The following ANKMY1 variants were observed in gnomAD, a reference collection of about 807,000 sequenced individuals.
ANKMY1 encodes the protein ankyrin repeat and MYND domain-containing protein 1.
ANKMY1 carries 98 observed loss-of-function variants against 102.0 expected under a neutral mutation model. That is an observed-to-expected ratio of 0.96 (90% CI 0.82 to 1.14). The LOEUF is 1.14. Ranked by LOEUF, ANKMY1 falls within the 50% of genes most tolerant of loss-of-function variation. The probability of loss-of-function intolerance (pLI) is 0.00; values close to 1 mark genes in which losing one functional copy is unlikely to be tolerated. For missense variants in ANKMY1, 1,330 were observed against 1,347.6 expected (o/e 0.99, Z 0.20); for synonymous variants, 582 against 559.9 (o/e 1.04, Z -0.56).
rs1028876370 is a variant in ANKMY1, at chr2:240,526,327, C to T, written c.1072G>A (p.Glu358Lys). 1 of 1,614,136 alleles carries T rather than the reference C, an allele frequency of 6.2e-7. No homozygotes were observed. Among genetic ancestry groups the T allele is most frequent in the Admixed American group, 1.7e-5 (1 of 60,008 alleles). Residue 358 changes from glutamate (E) to lysine (K), a missense_variant, in exon 6 of 18, where the codon GAA (glutamate) becomes AAA (lysine). Transcript: ENST00000401804. ...CTACAAATCCATTCGTGGTTCCCTT[C>T]CTCAGCCTTTAGGATCATCTCCATG... ...LSMEMILKAE[E>K]GNHEWICRIL...
intron 9 of ANKMY1, among the ~76,000 whole-genome samples, chr2:240,513,846 C>A (rs1226529240): frequency 6.6e-6 from 1 of 152,244 alleles, no homozygotes; most frequent in Non-Finnish European, 1.5e-5. Context: ...AGCGTCCATA[C>A]CCAGCAGAGG....
At chr2:240,559,290 C>T (rs1232811358), upstream of ANKMY1, among the ~76,000 whole-genome samples, 1 of 152,232 alleles carries the variant, frequency 6.6e-6, no homozygotes, top group Admixed American at 6.5e-5. Flanking sequence ...ATTCATGAAA[C>T]AGTCCAGGAG....
intron 9 of ANKMY1, among the ~76,000 whole-genome samples, chr2:240,513,872 C>T (rs1294741445): frequency 6.6e-6 from 1 of 152,228 alleles, no homozygotes; most frequent in Non-Finnish European, 1.5e-5. Context: ...AGTGAGAGGA[C>T]AGAAAAGAGA....
chr2:240,549,755 A>G (rs1433261188), intron 4 of ANKMY1, among the ~76,000 whole-genome samples: 1 of 152,270 alleles, frequency 6.6e-6, no homozygotes, highest in Non-Finnish European at 1.5e-5. Flanking sequence ...GCCAAAAAAC[A>G]CATGAAAAAA....
chr2:240,506,035 C>G lies in ANKMY1; in HGVS notation c.2526+1525G>C, dbSNP rs76131048. ...GGTTCCCTAACCCCGGATGAGGCAC[C>G]GGGGAGCCTCCTAACCCCGGACAAG... On this transcript the variant is annotated intron_variant, in intron 13 of 17. Coordinates refer to ENST00000401804, the MANE Select transcript of ANKMY1 (RefSeq NM_001282771.3). This position sits in a 1 kb window ranked among gnomAD's most constrained non-coding sequence, Gnocchi z 4.9. 2.6e-5 allele frequency among the ~76,000 whole-genome samples: 4 copies of G among 151,992 alleles called. 1 individual carries two copies. Among genetic ancestry groups the G allele is most frequent in the African/African-American group, 9.7e-5 (4 of 41,448 alleles).
chr2:240,547,847 G>C (rs1248145200), intron 4 of ANKMY1, among the ~76,000 whole-genome samples: 1 of 150,304 alleles, frequency 6.7e-6, no homozygotes, highest in Non-Finnish European at 1.5e-5. Flanking sequence ...CCAATAACAG[G>C]AGCTGAAATT....
chr2:240,538,212 T>TG (rs2087414591), intron 4 of ANKMY1, among the ~76,000 whole-genome samples: 1 of 152,228 alleles, frequency 6.6e-6, no homozygotes, highest in African/African-American at 2.4e-5. Flanking sequence ...GCTGCTGCGC[T>TG]GTGGGGGCCC....
chr2:240,470,553 C>G, the ANKMY1 span, among the ~76,000 whole-genome samples: 1 of 152,144 alleles, frequency 6.6e-6, no homozygotes, highest in Non-Finnish European at 1.5e-5. Flanking sequence ...GAAATATGAA[C>G]AGGAACCCTC....
At chr2:240,482,375 G>A (rs1278462764) in intron 15 of ANKMY1, 114 bp from the exon 16 acceptor site, 18 of 899,824 alleles carry the variant, frequency 2.0e-5, no homozygotes, top group East Asian at 2.8e-5. Flanking sequence ...CTCGGGAGGC[G>A]GATAGGGGGA....
At chr2:240,540,642 T>C (rs1190041260) in intron 4 of ANKMY1, among the ~76,000 whole-genome samples, 1 of 152,178 alleles carries the variant, frequency 6.6e-6, no homozygotes, top group African/African-American at 2.4e-5. Flanking sequence ...GTCATGGAAA[T>C]GGATTTGAGA....
rs778708191 is a variant in ANKMY1 at position 240,557,252 on chromosome 2, G to A, written c.84C>T (p.Gly28=). 27 of 1,594,216 alleles carry A rather than the reference G, an allele frequency of 1.7e-5. No homozygotes were observed. Among genetic ancestry groups the A allele is most frequent in the Non-Finnish European group, 2.2e-5 (26 of 1,169,640 alleles). Residue 28 remains glycine, a synonymous_variant, in exon 2 of 18, where the codon GGC becomes GGT. Coordinates refer to ENST00000401804, the MANE Select transcript of ANKMY1 (RefSeq NM_001282771.3). ...GSRQRPLEGK[G]GETPAAEEPG... ...GCTCCTCGGCAGCAGGGGTCTCGCC[G>A]CCCTTCCCCTCTAGCGGGCGTTGGC... is the stretch of plus-strand genomic sequence containing the variant.
the ANKMY1 span, among the ~76,000 whole-genome samples, chr2:240,469,888 G>T: frequency 1.3e-5 from 2 of 151,834 alleles, no homozygotes; most frequent in African/African-American, 4.8e-5. Flanking sequence ...ATCCATACAC[G>T]TGCACACACA....
At chr2:240,493,120 G>A (rs191146825) in intron 15 of ANKMY1, among the ~76,000 whole-genome samples, 5 of 152,144 alleles carry the variant, frequency 3.3e-5, no homozygotes, top group Admixed American at 3.3e-4. Flanking sequence ...TCAGGAGTAC[G>A]AGACCAGCCT....
At chr2:240,488,465 T>C (rs2076297253) in intron 15 of ANKMY1, among the ~76,000 whole-genome samples, 1 of 152,206 alleles carries the variant, frequency 6.6e-6, no homozygotes. Context: ...TTTTTTTGGT[T>C]CTATATGAAT....
At chr2:240,502,227 C>T (rs890130131) in intron 13 of ANKMY1, among the ~76,000 whole-genome samples, 3 of 151,246 alleles carry the variant, frequency 2.0e-5, no homozygotes, top group Middle Eastern at 3.4e-3. Context: ...GTCCTGGCAC[C>T]GGGACGGCTT....
intron 4 of ANKMY1, among the ~76,000 whole-genome samples, chr2:240,539,013 G>A (rs1452424167): frequency 1.3e-5 from 2 of 152,130 alleles, no homozygotes; most frequent in Admixed American, 6.5e-5. Flanking sequence ...TTGTCAAAAT[G>A]GACCGATCAG....
Position 240,500,566 on chromosome 2 carries a change from C to G in ANKMY1, c.2527-1G>C. 6.2e-7 allele frequency: 1 copy of G among 1,613,496 alleles called. No individual in the cohort carries two copies. Among genetic ancestry groups the G allele is most frequent in the Non-Finnish European group, 8.5e-7 (1 of 1,179,504 alleles). On this transcript the variant is annotated splice_acceptor_variant, in intron 13 of 17. Transcript: ENST00000401804. LOFTEE classifies it high-confidence loss of function. ...CCCCGTGACTGATGAGTCGGTCAAT[C>G]TGTGGAGAACAGAACCAGGTCAAAC...
chr2:240,555,328 T>C, intron 2 of ANKMY1: 1 of 464,906 alleles, frequency 2.2e-6, no homozygotes, highest in Non-Finnish European at 3.9e-6. Context: ...AGTCGGCCTG[T>C]CCAGCCCGGG....
chr2:240,560,724 C>T, upstream of ANKMY1: 2 of 1,524,666 alleles, frequency 1.3e-6, no homozygotes, highest in Non-Finnish European at 1.7e-6. Context: ...GGCCGCCTCG[C>T]CCGTACCTCC....
Sources: gnomAD v4.1 joint callset for allele counts (sites outside exome capture counted in the v4.1 genomes callset) on GRCh38, gnomAD v4.1.1 for gene constraint, Gnocchi (gnomAD v3.1) non-coding constraint, MANE v1.5 for transcripts, NCBI Gene and HGNC (gene_info 2026-07-23, HGNC 2026-07-21) for gene names.